The following AGBL4 variants were observed in gnomAD, a reference collection of about 807,000 sequenced individuals.
AGBL4 encodes cytosolic carboxypeptidase 6.
In AGBL4, 58 loss-of-function variants were observed where a neutral mutation model predicts 66.4. That is an observed-to-expected ratio of 0.87 (90% CI 0.71 to 1.09). The LOEUF is 1.09. AGBL4 is among the 50% of genes least tolerant of loss of function. AGBL4 has a pLI of 0.00. For synonymous variants in AGBL4, 234 were observed against 222.9 expected (o/e 1.05, Z -0.44); for missense variants, 579 against 631.0 (o/e 0.92, Z 0.88).
chr1:49,218,701 A>G (rs910266040), intron 4 of AGBL4, among the ~76,000 whole-genome samples: 7 of 152,152 alleles, frequency 4.6e-5, no homozygotes, highest in African/African-American at 1.7e-4. Context: ...TCTGCATTGC[A>G]GTAGCCCCTC....
rs1442406083 is a variant in AGBL4 at position 48,728,140 on chromosome 1, C to T, written c.635-64899G>A. The stretch of plus-strand genomic sequence containing the variant: ...AGAAAATGTACCTCCCAACATACTT[C>T]CCAAATACCAGCTTATGTATCTGGC... On this transcript the variant is annotated intron_variant, in intron 6 of 13. Coordinates refer to ENST00000371839, the MANE Select transcript of AGBL4 (RefSeq NM_032785.4). The T allele has an allele frequency of 6.3e-6, 7 of 1,111,824 alleles. No homozygotes were observed. The East Asian group carries it at 1.5e-4, about 24-fold the overall frequency. The allele number at this position is 1,111,824 out of a possible 1,614,324, so 68.9% of individuals were successfully genotyped here.
intron 3 of AGBL4, among the ~76,000 whole-genome samples, chr1:49,676,944 A>G (rs1465551796): frequency 3.3e-5 from 5 of 152,110 alleles, no homozygotes; most frequent in Non-Finnish European, 7.4e-5. Flanking sequence ...AAGAATGCCT[A>G]GTATATTGAG....
chr1:48,992,866 A>T (rs1571180364), intron 5 of AGBL4, among the ~76,000 whole-genome samples: 1 of 151,810 alleles, frequency 6.6e-6, no homozygotes. Context: ...CCTGAAACTC[A>T]CCCTTCAGGG....
intron 3 of AGBL4, among the ~76,000 whole-genome samples, chr1:49,442,050 C>G (rs995037214): frequency 6.6e-6 from 1 of 152,142 alleles, no homozygotes; most frequent in African/African-American, 2.4e-5. Context: ...AGCCAGCTAC[C>G]TGGTAGCAGA....
intron 3 of AGBL4, among the ~76,000 whole-genome samples, chr1:49,306,326 A>T (rs1644848404): frequency 6.6e-6 from 1 of 152,206 alleles, no homozygotes; most frequent in South Asian, 2.1e-4. Context: ...TCCTTCAGAA[A>T]AGTGGGATTT....
intron 3 of AGBL4, among the ~76,000 whole-genome samples, chr1:49,586,680 A>C (rs1170956569): frequency 7.3e-6 from 1 of 137,490 alleles, no homozygotes; most frequent in Admixed American, 7.5e-5. Flanking sequence ...ATGAATGAAT[A>C]CATTAATGTT....
intron 4 of AGBL4, among the ~76,000 whole-genome samples, chr1:49,162,803 T>A (rs985460775): frequency 6.6e-6 from 1 of 152,314 alleles, no homozygotes; most frequent in African/African-American, 2.4e-5. Context: ...GTCCTCAATA[T>A]AATTGTGAGA....
At chr1:49,053,718 T>C (rs181924914) in intron 4 of AGBL4, among the ~76,000 whole-genome samples, 13 of 152,296 alleles carry the variant, frequency 8.5e-5, no homozygotes, top group Admixed American at 8.5e-4. Flanking sequence ...TTTTGTCTGT[T>C]ACCCTTTTAT....
chr1:48,537,453 C>T (rs1332162928), intron 12 of AGBL4, among the ~76,000 whole-genome samples: 5 of 152,096 alleles, frequency 3.3e-5, no homozygotes, highest in South Asian at 2.1e-4. Flanking sequence ...CCTTTAGATC[C>T]GTGTCGGGGT....
At chr1:49,436,101 A>C (rs1645897300) in intron 3 of AGBL4, among the ~76,000 whole-genome samples, 1 of 152,206 alleles carries the variant, frequency 6.6e-6, no homozygotes, top group South Asian at 2.1e-4. Context: ...AGGATCAAGG[A>C]TTGCAACAGA....
intron 4 of AGBL4, among the ~76,000 whole-genome samples, chr1:49,237,888 T>C (rs1650912125): frequency 6.6e-6 from 1 of 152,040 alleles, no homozygotes; most frequent in Admixed American, 6.6e-5. Flanking sequence ...TTAGAATAAG[T>C]CTGCTGGCAA....
At chr1:49,365,416 C>A (rs1285766873) in intron 3 of AGBL4, among the ~76,000 whole-genome samples, 2 of 151,668 alleles carry the variant, frequency 1.3e-5, no homozygotes, top group African/African-American at 4.8e-5. Flanking sequence ...AATGAGAAAA[C>A]GTCTATAAAG....
intron 3 of AGBL4, among the ~76,000 whole-genome samples, chr1:49,568,356 A>G (rs1170088708): frequency 6.6e-6 from 1 of 151,764 alleles, no homozygotes; most frequent in African/African-American, 2.4e-5. Context: ...TCATGCTGAG[A>G]GCCAAATCAG....
At chr1:49,864,364 T>C (rs1019923529) in intron 1 of AGBL4, among the ~76,000 whole-genome samples, 2 of 152,160 alleles carry the variant, frequency 1.3e-5, no homozygotes, top group African/African-American at 2.4e-5. Context: ...CATCACAGGA[T>C]GACTATAGTC....
At chr1:48,927,107 G>A (rs1344777016) in intron 5 of AGBL4, among the ~76,000 whole-genome samples, 1 of 152,112 alleles carries the variant, frequency 6.6e-6, no homozygotes, top group African/African-American at 2.4e-5. Context: ...ATGGAGGCAG[G>A]TCAATGGCTT....
At chr1:49,406,593 T>C (rs1285798003) in intron 3 of AGBL4, among the ~76,000 whole-genome samples, 9 of 152,154 alleles carry the variant, frequency 5.9e-5, no homozygotes, top group Admixed American at 5.9e-4. Context: ...TAATATGTGA[T>C]AACCCAGTAT....
intron 2 of AGBL4, among the ~76,000 whole-genome samples, chr1:49,843,195 T>C (rs1038081683): frequency 2.6e-5 from 4 of 152,134 alleles, no homozygotes; most frequent in African/African-American, 9.7e-5. Flanking sequence ...GGTATGAGCA[T>C]GGTTCACAGC....
intron 1 of AGBL4, among the ~76,000 whole-genome samples, chr1:49,997,323 A>G: frequency 6.6e-6 from 1 of 152,156 alleles, no homozygotes; most frequent in East Asian, 1.9e-4. Context: ...TGCCTAACAC[A>G]TAAGGACTCA....
Position 48,837,711 on chromosome 1 carries a change from C to CTATATATATATATATATA in AGBL4, c.634+29462_634+29479dup, listed in dbSNP as rs58650623. On this transcript the variant is annotated intron_variant, in intron 6 of 13. Coordinates refer to ENST00000371839, the MANE Select transcript of AGBL4 (RefSeq NM_032785.4). ...ACGCACACACACGCACACACACACA[C>CTATATATATATATATATA]TATATATATATATATATATATATAT... 8.2e-3 allele frequency among the ~76,000 whole-genome samples: 674 copies of CTATATATATATATATATA among 82,022 alleles called. 20 individuals carry two copies. The highest frequency in any genetic ancestry group is 0.013 in the African/African-American group (286 of 22,300). The allele number at this position is 82,022 out of a possible 152,430, so 53.8% of individuals were successfully genotyped here.
Sources: gnomAD v4.1 joint callset for allele counts (sites outside exome capture counted in the v4.1 genomes callset) on GRCh38, gnomAD v4.1.1 for gene constraint, MANE v1.5 for transcripts, NCBI Gene and HGNC (gene_info 2026-07-23, HGNC 2026-07-21) for gene names.